Variants in XPO4 observed in about 807,000 individuals in gnomAD.
XPO4 encodes the protein exportin 4.
In XPO4, 39 loss-of-function variants were observed where a neutral mutation model predicts 143.0. The observed-to-expected ratio is 0.27, with a 90% CI of 0.21 to 0.36. The LOEUF (loss-of-function observed/expected upper bound fraction) is 0.36. Among genes scored for constraint, XPO4 ranks in the 10% least tolerant of loss-of-function variants. XPO4 has a pLI of 1.00. For missense variants in XPO4, 907 were observed against 1,348.0 expected, an observed-to-expected ratio of 0.67 and a Z score of 5.12; for synonymous variants, 439 against 474.0, an observed-to-expected ratio of 0.93 and a Z score of 0.96.
chr13:20,796,941 A>G lies in XPO4; in HGVS notation c.2439T>C (p.Cys813=). ...QEITATLEAL[C]GIAEATQIDN... ...CAATCTGGGTAGCCTCAGCAATGCC[A>G]CACAGGGCCTCTAGTGTGGCAGTGA... The change falls in exon 17 of 23, where the codon TGT becomes TGC. Residue 813 remains cysteine (C), a synonymous_variant. Coordinates refer to ENST00000255305, the MANE Select transcript of XPO4 (RefSeq NM_022459.5). 2 of 1,614,178 alleles carry G rather than the reference A, an allele frequency of 1.2e-6. No homozygotes were observed. The highest frequency in any genetic ancestry group is 1.7e-6 in the Non-Finnish European group (2 of 1,180,018).
At chr13:20,790,646 AC>A in intron 18 of XPO4, 66 bp from the exon 19 acceptor site, 1 of 1,285,388 alleles carries the variant, frequency 7.8e-7, no homozygotes, top group Non-Finnish European at 1.1e-6. Flanking sequence ...TGTGTATTCT[AC>A]CCTTATGAAA....
At chr13:20,884,827 G>C (rs1460089712) in intron 1 of XPO4, among the ~76,000 whole-genome samples, 1 of 152,200 alleles carries the variant, frequency 6.6e-6, no homozygotes, top group Non-Finnish European at 1.5e-5. Context: ...TTCAGTCTGG[G>C]TGACACAGCA....
At chr13:20,795,203 G>C (rs1417823378) in intron 18 of XPO4, among the ~76,000 whole-genome samples, 2 of 152,152 alleles carry the variant, frequency 1.3e-5, no homozygotes, top group East Asian at 3.9e-4. Flanking sequence ...GGAGAGGCTA[G>C]ATATGATTCA....
intron 7 of XPO4, among the ~76,000 whole-genome samples, chr13:20,826,052 T>C (rs1277618878): frequency 1.3e-5 from 2 of 152,224 alleles, no homozygotes; most frequent in Non-Finnish European, 2.9e-5. Flanking sequence ...ATAGCTTTTT[T>C]ACTTTTAATT....
rs894254372 is a variant in XPO4, at chr13:20,778,888, T to C, written c.*4834A>G. 5.3e-5 allele frequency: 8 copies of C among 152,136 alleles called. No individual in the cohort carries two copies. The highest frequency in any genetic ancestry group is 1.0e-4 in the Non-Finnish European group (7 of 68,038). The allele number at this position is 152,136 out of a possible 1,614,324, so 9.4% of individuals were successfully genotyped here. ...TCAAAACAAAAATGTAATAAAAATA[T>C]TTAGTGAAAAGACACATTTTAACTC... On this transcript the variant is annotated 3_prime_UTR_variant, in exon 23 of 23. Transcript: ENST00000255305.
At chr13:20,835,429 T>G (rs1209341251) in intron 6 of XPO4, among the ~76,000 whole-genome samples, 1 of 152,194 alleles carries the variant, frequency 6.6e-6, no homozygotes, top group Non-Finnish European at 1.5e-5. Context: ...AAATCAGCAC[T>G]TAATAGCTAA....
At chr13:20,852,574 ATAT>A in intron 4 of XPO4, 1 of 981,156 alleles carries the variant, frequency 1.0e-6, no homozygotes, top group Non-Finnish European at 1.2e-6. Context: ...AAATCTTATA[ATAT>A]TTGGTAATAT....
At chr13:20,800,717 T>TA in intron 14 of XPO4, 114 bp downstream of exon 14, 1 of 1,335,412 alleles carries the variant, frequency 7.5e-7, no homozygotes, top group Non-Finnish European at 1.0e-6. Context: ...CAGAAAATGT[T>TA]AAACTGCTCT....
chr13:20,818,897 T>C (rs1028975170), intron 9 of XPO4, among the ~76,000 whole-genome samples: 3 of 151,454 alleles, frequency 2.0e-5, no homozygotes, highest in Non-Finnish European at 4.4e-5. Flanking sequence ...CTTGGGTCAC[T>C]GCAACCTCCG....
intron 6 of XPO4, among the ~76,000 whole-genome samples, chr13:20,828,711 G>T (rs1287324150): frequency 6.6e-6 from 1 of 152,048 alleles, no homozygotes; most frequent in Non-Finnish European, 1.5e-5. Context: ...TCCTTTATCT[G>T]CCCCCTTGTG....
intron 21 of XPO4, 133 bp downstream of exon 21, chr13:20,787,348 C>CA: frequency 1.2e-6 from 1 of 832,294 alleles, no homozygotes; most frequent in Non-Finnish European, 1.9e-6. Context: ...CAGAAAAAAA[C>CA]AGTGAACAGG....
intron 5 of XPO4, 39 bp from the exon 6 acceptor site, chr13:20,843,087 T>G (rs1472013641): frequency 6.5e-7 from 1 of 1,529,174 alleles, no homozygotes; most frequent in Non-Finnish European, 8.8e-7. Flanking sequence ...TATGAAAAAT[T>G]TATTCAAAAT....
intron 9 of XPO4, 118 bp from the exon 10 acceptor site, chr13:20,810,085 TTGA>T: frequency 1.3e-6 from 1 of 793,240 alleles, no homozygotes; most frequent in Non-Finnish European, 1.8e-6. Flanking sequence ...TTCCCAATTA[TTGA>T]TAAGTTTTTA....
intron 6 of XPO4, 80 bp downstream of exon 6, chr13:20,842,815 A>G: frequency 8.0e-7 from 1 of 1,257,526 alleles, no homozygotes; most frequent in Non-Finnish European, 1.1e-6. Context: ...TGAAAGCTGC[A>G]GAGGTGAAAG....
In XPO4 at chr13:20,782,133, G is replaced by A. The variant is rs1376360584; in HGVS notation, c.*1589C>T. On this transcript the variant is annotated 3_prime_UTR_variant, in exon 23 of 23. Coordinates refer to ENST00000255305, the MANE Select transcript of XPO4 (RefSeq NM_022459.5). ...GATGTAATTCAGATGCTCCAGTTTT[G>A]TTAACTGTTAATAACACAGAATTAT... is the stretch of plus-strand genomic sequence containing the variant. The A allele has an allele frequency of 6.6e-6, 1 of 152,192 alleles. No homozygotes were observed. Among genetic ancestry groups the A allele is most frequent in the Non-Finnish European group, 1.5e-5 (1 of 68,032 alleles). The allele number at this position is 152,192 out of a possible 1,614,324, so 9.4% of individuals were successfully genotyped here. A position where few individuals can be genotyped will look rare whatever the true frequency, so the allele number is the denominator to read the frequency against.
At chr13:20,840,044 AAGC>A (rs753231965) in intron 6 of XPO4, among the ~76,000 whole-genome samples, 6 of 152,026 alleles carry the variant, frequency 3.9e-5, no homozygotes, top group African/African-American at 1.2e-4. Context: ...ACAAAAAAGA[AAGC>A]AGATTAGAAA....
At chr13:20,809,700 C>G in intron 10 of XPO4, 91 bp downstream of exon 10, 2 of 1,376,902 alleles carry the variant, frequency 1.5e-6, no homozygotes, top group Non-Finnish European at 1.9e-6. Flanking sequence ...GGGAACCCAT[C>G]CTAAATTTCT....
At chr13:20,876,136 C>A (rs1224185488) in intron 1 of XPO4, among the ~76,000 whole-genome samples, 4 of 150,324 alleles carry the variant, frequency 2.7e-5, no homozygotes, top group Admixed American at 1.3e-4. Context: ...GTGGCACATG[C>A]CTGTAAACCC....
chr13:20,891,263 A>G (rs911201055), intron 1 of XPO4, among the ~76,000 whole-genome samples: 1 of 152,038 alleles, frequency 6.6e-6, no homozygotes, highest in African/African-American at 2.4e-5. Context: ...GTAAGTGGCT[A>G]CCACATTGGA....
Sources: allele counts gnomAD v4.1 joint callset (sites outside exome capture counted in the v4.1 genomes callset), GRCh38; gene constraint gnomAD v4.1.1; transcripts MANE v1.5; gene names NCBI Gene and HGNC (gene_info 2026-07-23, HGNC 2026-07-21).